The following SLC24A2 variants were observed in gnomAD, a reference collection of about 807,000 sequenced individuals.
The protein encoded by SLC24A2 is solute carrier family 24 member 2, also known as sodium/potassium/calcium exchanger 2.
Under a neutral mutation model 62.0 loss-of-function variants are expected in SLC24A2, and 36 were observed. The observed-to-expected ratio is 0.58, with a 90% CI of 0.44 to 0.77. SLC24A2 has a LOEUF of 0.77. Ranked by LOEUF, SLC24A2 falls within the 30% of genes least tolerant of loss-of-function variation. The pLI is 0.00. For missense variants in SLC24A2, 846 were observed against 817.9 expected (o/e 1.03, Z -0.42); for synonymous variants, 358 against 294.0 (o/e 1.22, Z -2.23).
the SLC24A2 span, among the ~76,000 whole-genome samples, chr9:20,204,542 C>G: frequency 6.6e-6 from 1 of 152,138 alleles, no homozygotes; most frequent in East Asian, 1.9e-4. Flanking sequence ...TATCCTGGAC[C>G]AACTTTGCTG....
chr9:19,928,749 A>G, the SLC24A2 span: 1 of 152,160 alleles, frequency 6.6e-6, no homozygotes, highest in Non-Finnish European at 1.5e-5. Context: ...GAAGTTTAGG[A>G]AGGTTGCCAA....
At chr9:19,931,898 C>A in the SLC24A2 span, among the ~76,000 whole-genome samples, 6 of 151,940 alleles carry the variant, frequency 3.9e-5, no homozygotes, top group African/African-American at 1.2e-4. Flanking sequence ...ATAGACTGAA[C>A]TGGGTTTTTA....
chr9:19,705,616 A>ATCTTTCCTGCTTTCTCCTGTG (rs1820490366), intron 2 of SLC24A2: 1 of 228,646 alleles, frequency 4.4e-6, no homozygotes, highest in South Asian at 7.9e-5. Flanking sequence ...AAGGCAAAAG[A>ATCTTTCCTGCTTTCTCCTGTG]GGACAAAAGC....
At chr9:19,616,637 C>T (rs184298094) in intron 4 of SLC24A2, among the ~76,000 whole-genome samples, 3 of 152,256 alleles carry the variant, frequency 2.0e-5, no homozygotes, top group East Asian at 3.9e-4. Flanking sequence ...GAGCCTTCAT[C>T]GCTAGTATGT....
At chr9:19,682,740 G>A (rs1258890062) in intron 2 of SLC24A2, among the ~76,000 whole-genome samples, 1 of 152,118 alleles carries the variant, frequency 6.6e-6, no homozygotes, top group African/African-American at 2.4e-5. Flanking sequence ...GGATTAAACA[G>A]ATGTATTTAG....
At chr9:19,534,751 T>C (rs1467238063) in intron 8 of SLC24A2, among the ~76,000 whole-genome samples, 2 of 152,180 alleles carry the variant, frequency 1.3e-5, no homozygotes, top group African/African-American at 2.4e-5. Context: ...CTTTATCCAG[T>C]CTACCACTGA....
At chr9:20,087,532 A>G in the SLC24A2 span, among the ~76,000 whole-genome samples, 1 of 152,190 alleles carries the variant, frequency 6.6e-6, no homozygotes. Context: ...TCAAATCTCA[A>G]AGAGAGATAA....
At chr9:20,228,473 T>C in the SLC24A2 span, among the ~76,000 whole-genome samples, 1 of 151,824 alleles carries the variant, frequency 6.6e-6, no homozygotes, top group African/African-American at 2.4e-5. Context: ...CCAAATTGTC[T>C]TTTAAAAAAA....
the SLC24A2 span, among the ~76,000 whole-genome samples, chr9:20,217,047 C>A: frequency 6.6e-6 from 1 of 151,958 alleles, no homozygotes; most frequent in African/African-American, 2.4e-5. Flanking sequence ...GTTCATGATA[C>A]CCCCAAACAG....
At chr9:20,270,140 C>T in the SLC24A2 span, among the ~76,000 whole-genome samples, 254 of 152,218 alleles carry the variant, frequency 1.7e-3, no homozygotes, top group African/African-American at 5.5e-3. Flanking sequence ...AGAGAGCGAG[C>T]TCATTCACAA....
At chr9:20,254,002 G>T in the SLC24A2 span, among the ~76,000 whole-genome samples, 1 of 152,158 alleles carries the variant, frequency 6.6e-6, no homozygotes, top group Admixed American at 6.5e-5. Context: ...GAAATAAAGA[G>T]ATAAAAGCAA....
At position 19,510,625 on chromosome 9, in the gene SLC24A2, A is replaced by C. The variant is rs1348063931; in HGVS notation, c.*5528T>G. 1 of 152,156 alleles carries C rather than the reference A, an allele frequency of 6.6e-6. No homozygotes were observed. Among genetic ancestry groups the C allele is most frequent in the Admixed American group, 6.5e-5 (1 of 15,276 alleles). The allele number at this position is 152,156 out of a possible 1,614,324, so 9.4% of individuals were successfully genotyped here. A position where few individuals can be genotyped will look rare whatever the true frequency, so the allele number is the denominator to read the frequency against. On this transcript the variant is annotated 3_prime_UTR_variant, in exon 11 of 11. Coordinates refer to ENST00000341998, the MANE Select transcript of SLC24A2 (RefSeq NM_020344.4). Reference sequence around the variant, plus strand: ...CGTGATAGGCTAGACAAACCCTCTTAATGGAATTAAATCTTTGGTGGAAGC... The same window carrying C: ...CGTGATAGGCTAGACAAACCCTCTTCATGGAATTAAATCTTTGGTGGAAGC...
Position 19,507,828 on chromosome 9 carries a change from G to C in SLC24A2, c.*8325C>G, listed in dbSNP as rs1321396414. ...TAGGGATGAGGATAGGGGTTACAAT[G>C]CTCCTTTAAAACGGAGGCGAACAAA... On this transcript the variant is annotated 3_prime_UTR_variant, in exon 11 of 11. Coordinates refer to ENST00000341998, the MANE Select transcript of SLC24A2 (RefSeq NM_020344.4). 6.6e-6 allele frequency: 1 copy of C among 152,308 alleles called. No homozygotes were observed. The highest frequency in any genetic ancestry group is 6.5e-5 in the Admixed American group (1 of 15,302). 9.4% of individuals were successfully genotyped at this position (152,308 alleles called of 1,614,324 possible). A position where few individuals can be genotyped will look rare whatever the true frequency, so the allele number is the denominator to read the frequency against.
intron 2 of SLC24A2, among the ~76,000 whole-genome samples, chr9:19,713,001 A>G (rs945202190): frequency 6.6e-6 from 1 of 152,034 alleles, no homozygotes; most frequent in Non-Finnish European, 1.5e-5. Context: ...TTTCTCACTT[A>G]ATTTAGTTCT....
the SLC24A2 span, among the ~76,000 whole-genome samples, chr9:20,028,563 A>C: frequency 6.6e-6 from 1 of 152,150 alleles, no homozygotes; most frequent in Non-Finnish European, 1.5e-5. Flanking sequence ...TGGGTTCCAA[A>C]GGACCCAAAT....
chr9:19,706,629 C>T (rs1379106879), intron 2 of SLC24A2, among the ~76,000 whole-genome samples: 9 of 152,222 alleles, frequency 5.9e-5, no homozygotes, highest in South Asian at 2.1e-4. Flanking sequence ...CCGCTCGTCT[C>T]GGCCTCCCAA....
intron 8 of SLC24A2, among the ~76,000 whole-genome samples, chr9:19,530,398 T>G (rs1037587307): frequency 2.0e-5 from 3 of 152,196 alleles, no homozygotes; most frequent in Non-Finnish European, 4.4e-5. Flanking sequence ...AGGTGTGGCA[T>G]AAGTACTAGA....
At chr9:19,765,854 T>G (rs1822498756) in intron 2 of SLC24A2, among the ~76,000 whole-genome samples, 1 of 152,236 alleles carries the variant, frequency 6.6e-6, no homozygotes, top group African/African-American at 2.4e-5. Flanking sequence ...CCTTGCTAGG[T>G]TGGGGAAGTT....
the SLC24A2 span, among the ~76,000 whole-genome samples, chr9:20,091,152 A>C: frequency 6.6e-6 from 1 of 152,090 alleles, no homozygotes; most frequent in South Asian, 2.1e-4. Context: ...AAAAAGAAAA[A>C]GAAAAAAAAA....
Sources: gnomAD v4.1 joint callset for allele counts (sites outside exome capture counted in the v4.1 genomes callset) on GRCh38, gnomAD v4.1.1 for gene constraint, MANE v1.5 for transcripts, NCBI Gene and HGNC (gene_info 2026-07-23, HGNC 2026-07-21) for gene names.